Variants in CNTN4 observed in about 807,000 individuals in gnomAD.
The protein encoded by CNTN4 is contactin-4.
CNTN4 carries 77 observed loss-of-function variants against 122.5 expected under a neutral mutation model. That is an observed-to-expected ratio of 0.63 (90% CI 0.52 to 0.76). The LOEUF is 0.76. Among genes scored for constraint, CNTN4 ranks in the 30% least tolerant of loss-of-function variants. The pLI is 0.00. For synonymous variants in CNTN4, 512 were observed against 447.0 expected, an observed-to-expected ratio of 1.15 and a Z score of -1.83; for missense variants, 1,256 against 1,259.1, an observed-to-expected ratio of 1.00 and a Z score of 0.04.
intron 3 of CNTN4, among the ~76,000 whole-genome samples, chr3:2,382,450 C>T (rs114019780): frequency 9.2e-5 from 14 of 152,126 alleles, no homozygotes; most frequent in Admixed American, 5.9e-4. Flanking sequence ...CCACTGCGTC[C>T]GGCCCTATTG....
intron 3 of CNTN4, among the ~76,000 whole-genome samples, chr3:2,522,149 T>TGTGTG (rs1553678903): frequency 0.037 from 2,374 of 63,420 alleles, 41 homozygotes; most frequent in Non-Finnish European, 0.052. Flanking sequence ...CCTAAGCAGT[T>TGTGTG]TGTGTGTGTG....
chr3:2,778,249 T>TA (rs1553636953), intron 6 of CNTN4, among the ~76,000 whole-genome samples: 1 of 127,148 alleles, frequency 7.9e-6, no homozygotes, highest in Non-Finnish European at 1.8e-5. Context: ...AATAAATAAA[T>TA]AAATAAAATA....
intron 12 of CNTN4, among the ~76,000 whole-genome samples, chr3:2,916,775 G>A (rs945286820): frequency 8.4e-5 from 12 of 142,416 alleles, no homozygotes; most frequent in Admixed American, 5.4e-4. Flanking sequence ...CAGTAGGGGC[G>A]GCCGGGCAGA....
intron 2 of CNTN4, among the ~76,000 whole-genome samples, chr3:2,300,047 C>A (rs1184916468): frequency 6.6e-6 from 1 of 152,114 alleles, no homozygotes; most frequent in East Asian, 1.9e-4. Context: ...AGGTCAGTCT[C>A]TTCAGATGAA....
Position 2,282,401 on chromosome 3 carries a change from G to T in CNTN4, c.-144-56777G>T, listed in dbSNP as rs17011753. 8.1e-3 allele frequency among the ~76,000 whole-genome samples: 1,230 copies of T among 151,284 alleles called. 18 individuals carry two copies. The highest frequency in any genetic ancestry group is 0.029 in the African/African-American group (1,165 of 40,720). ...TTTCATTCTCTAGCAATGAGAGCAA[G>T]CACATAATGTTGTGATCACTGTTAG... On this transcript the variant is annotated intron_variant, in intron 2 of 24. Transcript: ENST00000418658.
At chr3:2,667,759 G>T (rs6805343) in intron 4 of CNTN4, among the ~76,000 whole-genome samples, 1 of 132,564 alleles carries the variant, frequency 7.5e-6, no homozygotes, top group Non-Finnish European at 1.6e-5. Context: ...ATCTTGAATT[G>T]ATTTTTGTAT....
intron 2 of CNTN4, among the ~76,000 whole-genome samples, chr3:2,269,873 C>G (rs938072270): frequency 6.6e-6 from 1 of 151,916 alleles, no homozygotes; most frequent in Non-Finnish European, 1.5e-5. Context: ...TGCCACCACC[C>G]CCCGCCCATC....
chr3:2,419,069 A>C (rs1502587), intron 3 of CNTN4, among the ~76,000 whole-genome samples: 78,966 of 152,000 alleles, frequency 0.52, 21,266 homozygotes, highest in Non-Finnish European at 0.59. Context: ...TAGAAGTTAA[A>C]TGGCTATATG....
chr3:2,382,960 A>G (rs2046084354), intron 3 of CNTN4, among the ~76,000 whole-genome samples: 1 of 152,088 alleles, frequency 6.6e-6, no homozygotes, highest in African/African-American at 2.4e-5. Flanking sequence ...CTGTAATTCC[A>G]GCTACTGGGG....
chr3:2,170,066 A>C (rs185104218), intron 2 of CNTN4, among the ~76,000 whole-genome samples: 1,523 of 152,052 alleles, frequency 0.01, 30 homozygotes, highest in African/African-American at 0.033. Context: ...TCACGCCTGT[A>C]ATCCCAGCAC....
At chr3:2,977,730 G>A (rs965920339) in intron 13 of CNTN4, among the ~76,000 whole-genome samples, 3 of 152,092 alleles carry the variant, frequency 2.0e-5, no homozygotes, top group Non-Finnish European at 2.9e-5. Flanking sequence ...CTTGATACCC[G>A]TTATGGGTTA....
At chr3:2,812,609 C>G (rs1158892690) in intron 6 of CNTN4, among the ~76,000 whole-genome samples, 1 of 151,612 alleles carries the variant, frequency 6.6e-6, no homozygotes, top group Non-Finnish European at 1.5e-5. Flanking sequence ...GTTGACTTGG[C>G]CACTCTAATG....
intron 4 of CNTN4, among the ~76,000 whole-genome samples, chr3:2,578,256 A>T (rs2079784188): frequency 6.6e-6 from 1 of 152,200 alleles, no homozygotes; most frequent in Non-Finnish European, 1.5e-5. Context: ...GGCTGTCTAA[A>T]GTTTGGGCTT....
chr3:2,123,024 T>C (rs1161743300), intron 2 of CNTN4, among the ~76,000 whole-genome samples: 1 of 152,154 alleles, frequency 6.6e-6, no homozygotes, highest in Non-Finnish European at 1.5e-5. Context: ...GATCTTTGAA[T>C]TACACAGCAA....
intron 4 of CNTN4, among the ~76,000 whole-genome samples, chr3:2,674,868 T>A (rs1225820230): frequency 6.6e-6 from 1 of 152,112 alleles, no homozygotes; most frequent in African/African-American, 2.4e-5. Flanking sequence ...TTAACCAACC[T>A]CTCCCTATCC....
At chr3:3,009,697 T>A (rs1242428119) in intron 14 of CNTN4, among the ~76,000 whole-genome samples, 1 of 152,130 alleles carries the variant, frequency 6.6e-6, no homozygotes, top group Admixed American at 6.5e-5. Context: ...CCTCCCATAG[T>A]GCTGGGATTA....
chr3:2,300,636 G>A (rs188146271), intron 2 of CNTN4, among the ~76,000 whole-genome samples: 240 of 132,218 alleles, frequency 1.8e-3, no homozygotes, highest in African/African-American at 5.4e-3. Context: ...CAGTGGCACA[G>A]TCTCGGCTCA....
At chr3:2,541,587 A>G (rs2078033630) in intron 3 of CNTN4, among the ~76,000 whole-genome samples, 2 of 152,122 alleles carry the variant, frequency 1.3e-5, no homozygotes, top group South Asian at 2.1e-4. Flanking sequence ...TTTATCCTAC[A>G]TTTGTCACAT....
At chr3:2,835,016 T>C (rs1451160885) in intron 7 of CNTN4, among the ~76,000 whole-genome samples, 2 of 147,406 alleles carry the variant, frequency 1.4e-5, no homozygotes, top group Non-Finnish European at 3.0e-5. Flanking sequence ...ACCATTCTCC[T>C]GCTTCAGCCT....
Sources: gnomAD v4.1 joint callset for allele counts (sites outside exome capture counted in the v4.1 genomes callset) on GRCh38, gnomAD v4.1.1 for gene constraint, MANE v1.5 for transcripts, NCBI Gene and HGNC (gene_info 2026-07-23, HGNC 2026-07-21) for gene names.